Variants in CIMAP2 observed in about 807,000 individuals in gnomAD.
The protein encoded by CIMAP2 is ciliary microtubule-associated protein 2.
chr1:54,811,766 C>CGGGGGGGGGGGGGGGCCG, the CIMAP2 span: 1 of 1,305,190 alleles, frequency 7.7e-7, no homozygotes, highest in Non-Finnish European at 1.1e-6. Flanking sequence ...GTTCTGACAG[C>CGGGGGGGGGGGGGGGCCG]CTCCATGCCC....
At chr1:54,831,707 A>C in the CIMAP2 span, among the ~76,000 whole-genome samples, 28 of 152,248 alleles carry the variant, frequency 1.8e-4, no homozygotes, top group Non-Finnish European at 3.1e-4. Flanking sequence ...GCTATGATAT[A>C]TCAGATAAAT....
the CIMAP2 span, among the ~76,000 whole-genome samples, chr1:54,809,957 G>C: frequency 0.55 from 83,093 of 151,740 alleles, 23,544 homozygotes; most frequent in South Asian, 0.66. Flanking sequence ...AATCATTCCT[G>C]TTTGAGTCCC....
chr1:54,834,896 G>A, the CIMAP2 span, among the ~76,000 whole-genome samples: 1 of 152,138 alleles, frequency 6.6e-6, no homozygotes, highest in South Asian at 2.1e-4. Flanking sequence ...AGCTCAACCT[G>A]TACCACTAAT....
At chr1:54,820,136 T>C in the CIMAP2 span, among the ~76,000 whole-genome samples, 48,291 of 127,154 alleles carry the variant, frequency 0.38, 9,499 homozygotes, top group East Asian at 0.51. Flanking sequence ...CTTTCTTTCT[T>C]TCTCTCTTTC....
At chr1:54,813,319 G>A in the CIMAP2 span, among the ~76,000 whole-genome samples, 1 of 152,138 alleles carries the variant, frequency 6.6e-6, no homozygotes, top group Non-Finnish European at 1.5e-5. Flanking sequence ...ATCACCACAA[G>A]TCTGTGGCGT....
chr1:54,834,754 T>C, the CIMAP2 span, among the ~76,000 whole-genome samples: 2 of 152,270 alleles, frequency 1.3e-5, no homozygotes, highest in African/African-American at 4.8e-5. Flanking sequence ...AATAATTTTG[T>C]GCATTAGCAA....
At chr1:54,810,583 G>C in the CIMAP2 span, among the ~76,000 whole-genome samples, 66 of 152,176 alleles carry the variant, frequency 4.3e-4, no homozygotes, top group African/African-American at 1.5e-3. Flanking sequence ...GCCCCATCCT[G>C]CTTCCCCAGG....
At chr1:54,835,991 C>A in the CIMAP2 span, among the ~76,000 whole-genome samples, 1 of 152,042 alleles carries the variant, frequency 6.6e-6, no homozygotes, top group Non-Finnish European at 1.5e-5. Flanking sequence ...TTTGATCACT[C>A]TCCTTTTACC....
At chr1:54,807,234 T>C in the CIMAP2 span, 6 of 919,740 alleles carry the variant, frequency 6.5e-6, no homozygotes, top group East Asian at 1.5e-4. Flanking sequence ...GGGCTTCCAG[T>C]GTGTTTGATA....
At chr1:54,823,973 C>T in the CIMAP2 span, among the ~76,000 whole-genome samples, 1 of 151,718 alleles carries the variant, frequency 6.6e-6, no homozygotes, top group Non-Finnish European at 1.5e-5. Context: ...TTCCTTTCAG[C>T]ACTTTGAATA....
chr1:54,820,857 C>T, the CIMAP2 span, among the ~76,000 whole-genome samples: 4 of 152,158 alleles, frequency 2.6e-5, no homozygotes, highest in Non-Finnish European at 5.9e-5. Flanking sequence ...CAACCTCCGC[C>T]TCCTGGGTTC....
At chr1:54,812,090 TGAGACATATGTGGCAC>T in the CIMAP2 span, 5 of 1,614,092 alleles carry the variant, frequency 3.1e-6, no homozygotes, top group East Asian at 1.1e-4. Context: ...AAAGCGACCT[TGAGACATATGTGGCAC>T]GATCCGTCGG....
chr1:54,835,547 T>C, the CIMAP2 span, among the ~76,000 whole-genome samples: 114,152 of 152,106 alleles, frequency 0.75, 43,126 homozygotes, highest in South Asian at 0.87. Flanking sequence ...GTAGGGATTA[T>C]GCTCAGTGCT....
chr1:54,836,225 C>CTCCT, the CIMAP2 span, among the ~76,000 whole-genome samples: 1 of 151,838 alleles, frequency 6.6e-6, no homozygotes, highest in African/African-American at 2.4e-5. Flanking sequence ...TTTTTCATTT[C>CTCCT]TCCTTCCTTC....
chr1:54,830,075 T>G, the CIMAP2 span, among the ~76,000 whole-genome samples: 1 of 152,206 alleles, frequency 6.6e-6, no homozygotes, highest in South Asian at 2.1e-4. This position sits in a 1 kb window ranked among gnomAD's most constrained non-coding sequence, Gnocchi z 4.1. Flanking sequence ...GAACTCCCAA[T>G]GTTACTACTG....
chr1:54,811,765 G>GCGGGGGGGGGGGGGGGGGGGCCCCCCCC, the CIMAP2 span: 1 of 1,301,328 alleles, frequency 7.7e-7, no homozygotes. Context: ...GGTTCTGACA[G>GCGGGGGGGGGGGGGGGGGGGCCCCCCCC]CCTCCATGCC....
chr1:54,821,937 C>T, the CIMAP2 span, among the ~76,000 whole-genome samples: 4 of 71,042 alleles, frequency 5.6e-5, 1 homozygote, highest in Admixed American at 2.3e-4. Flanking sequence ...CTCGCTCTGT[C>T]GCCCAGGCTG....
the CIMAP2 span, among the ~76,000 whole-genome samples, chr1:54,819,352 G>A: frequency 8.7e-3 from 1,327 of 152,218 alleles, 14 homozygotes; most frequent in East Asian, 0.032. Context: ...CCAGTCTACT[G>A]CTGGCTGGGT....
At chr1:54,830,654 G>A in the CIMAP2 span, among the ~76,000 whole-genome samples, 1 of 152,198 alleles carries the variant, frequency 6.6e-6, no homozygotes, top group Non-Finnish European at 1.5e-5. This position sits in a 1 kb window ranked among gnomAD's most constrained non-coding sequence, Gnocchi z 4.1. Context: ...TCTGGCTGCA[G>A]ACAGTGGGGG....
Sources: gnomAD v4.1 joint callset for allele counts (sites outside exome capture counted in the v4.1 genomes callset) on GRCh38, gnomAD v4.1.1 for gene constraint, Gnocchi (gnomAD v3.1) non-coding constraint, MANE v1.5 for transcripts, NCBI Gene and HGNC (gene_info 2026-07-23, HGNC 2026-07-21) for gene names.